The following EPHA6 variants were observed in gnomAD, a reference collection of about 807,000 sequenced individuals.
EPHA6 encodes the protein EPH receptor A6.
In EPHA6, 50 loss-of-function variants were observed where a neutral mutation model predicts 112.0. That is an observed-to-expected ratio of 0.45 (90% confidence interval 0.36 to 0.56). The LOEUF is 0.56. Ranked by LOEUF, EPHA6 falls within the 20% of genes least tolerant of loss-of-function variation. The pLI is 0.00. For missense variants in EPHA6, 1,280 were observed against 1,417.4 expected (o/e 0.90, Z 1.56); for synonymous variants, 529 against 490.7 (o/e 1.08, Z -1.03).
intron 6 of EPHA6, among the ~76,000 whole-genome samples, chr3:97,419,176 A>G (rs1345747098): frequency 1.3e-5 from 2 of 151,958 alleles, no homozygotes; most frequent in African/African-American, 2.4e-5. Flanking sequence ...GGTGGCATGT[A>G]CCTGTAATCC....
chr3:97,080,869 C>T (rs372354172), intron 3 of EPHA6, among the ~76,000 whole-genome samples: 19 of 151,782 alleles, frequency 1.3e-4, no homozygotes, highest in African/African-American at 3.9e-4. Context: ...TTGATTTGAG[C>T]ATTTGAGACA....
intron 3 of EPHA6, among the ~76,000 whole-genome samples, chr3:97,218,262 C>A (rs1416915926): frequency 6.6e-6 from 1 of 151,358 alleles, no homozygotes; most frequent in Non-Finnish European, 1.5e-5. Context: ...AAGAGTGAGA[C>A]CCTATCTTAA....
chr3:97,098,565 C>T (rs905972515), intron 3 of EPHA6, among the ~76,000 whole-genome samples: 1 of 151,722 alleles, frequency 6.6e-6, no homozygotes. Flanking sequence ...TGTTATGTGA[C>T]TAAGATTTAT....
intron 3 of EPHA6, among the ~76,000 whole-genome samples, chr3:97,112,022 A>G (rs941629986): frequency 6.6e-5 from 10 of 152,112 alleles, no homozygotes; most frequent in African/African-American, 9.6e-5. Context: ...CCCATCTCCA[A>G]GATAGCATGA....
chr3:96,846,110 A>T (rs1374028501), intron 1 of EPHA6, among the ~76,000 whole-genome samples: 1 of 152,086 alleles, frequency 6.6e-6, no homozygotes, highest in Non-Finnish European at 1.5e-5. Context: ...AAACGAGGGA[A>T]TAGAAAATAT....
chr3:97,304,883 A>G (rs1408625907), intron 5 of EPHA6, among the ~76,000 whole-genome samples: 3 of 152,136 alleles, frequency 2.0e-5, no homozygotes, highest in Non-Finnish European at 4.4e-5. Flanking sequence ...GCAAAAATTG[A>G]CAAATGGGGT....
At chr3:97,669,395 T>C (rs1439745286) in intron 14 of EPHA6, among the ~76,000 whole-genome samples, 1 of 152,034 alleles carries the variant, frequency 6.6e-6, no homozygotes, top group Non-Finnish European at 1.5e-5. Context: ...AGCTTTTTTG[T>C]CATGATCTAG....
chr3:96,819,033 A>C (rs896244411), intron 1 of EPHA6, among the ~76,000 whole-genome samples: 3 of 152,024 alleles, frequency 2.0e-5, no homozygotes, highest in African/African-American at 7.2e-5. Flanking sequence ...AGCAGTGATC[A>C]TCTAATTGTT....
chr3:97,040,275 A>C (rs1049063298), intron 3 of EPHA6, among the ~76,000 whole-genome samples: 4 of 151,896 alleles, frequency 2.6e-5, no homozygotes, highest in Non-Finnish European at 4.4e-5. Context: ...TTAAGTCTCA[A>C]GTATGGAGAG....
Position 97,061,805 on chromosome 3 carries a change from C to T in EPHA6, c.1114+73812C>T, listed in dbSNP as rs924696573. Among the ~76,000 whole-genome samples, 3 of 152,118 alleles carry T rather than the reference C, an allele frequency of 2.0e-5. No individual in the cohort carries two copies. The South Asian group carries it at 6.2e-4, about 31-fold the overall frequency. On this transcript the variant is annotated intron_variant, in intron 3 of 17. Transcript: ENST00000389672. ...CATTTAACAGCTGCTGAAACGCATA[C>T]TATAGTATGTGCTATTATACTATAG...
chr3:96,930,645 C>T (rs570101013), intron 2 of EPHA6, among the ~76,000 whole-genome samples: 5 of 152,156 alleles, frequency 3.3e-5, no homozygotes, highest in East Asian at 1.9e-4. Flanking sequence ...GCCGGAGACC[C>T]GAACTGGGAG....
At chr3:97,210,808 G>A (rs1438924559) in intron 3 of EPHA6, among the ~76,000 whole-genome samples, 1 of 152,284 alleles carries the variant, frequency 6.6e-6, no homozygotes, top group Non-Finnish European at 1.5e-5. Flanking sequence ...GATTGGCAAG[G>A]GCAGCTCATC....
chr3:96,874,944 A>C (rs1424462651), intron 2 of EPHA6, among the ~76,000 whole-genome samples: 2 of 152,094 alleles, frequency 1.3e-5, no homozygotes, highest in African/African-American at 2.4e-5. Flanking sequence ...AAGGGAGGCC[A>C]TTCAGTAGTA....
chr3:97,060,116 G>A (rs774148009), intron 3 of EPHA6, among the ~76,000 whole-genome samples: 8 of 152,142 alleles, frequency 5.3e-5, no homozygotes, highest in Non-Finnish European at 7.4e-5. Flanking sequence ...GCAAGACTCC[G>A]TCTCAAACAA....
chr3:97,661,012 C>T (rs990373359), intron 14 of EPHA6, among the ~76,000 whole-genome samples: 2 of 152,170 alleles, frequency 1.3e-5, no homozygotes, highest in African/African-American at 4.8e-5. Context: ...ACTTCAGTTA[C>T]AGTATTTTCC....
At chr3:97,381,600 C>T (rs533031410) in intron 5 of EPHA6, among the ~76,000 whole-genome samples, 12 of 152,204 alleles carry the variant, frequency 7.9e-5, no homozygotes, top group Middle Eastern at 3.4e-3. Context: ...CTCTTGATTG[C>T]TCTGTCTTCT....
intron 3 of EPHA6, among the ~76,000 whole-genome samples, chr3:97,059,500 T>G (rs2045952566): frequency 1.3e-5 from 2 of 152,026 alleles, no homozygotes; most frequent in Non-Finnish European, 2.9e-5. Flanking sequence ...TTATTTCAGA[T>G]ATATTATCAT....
intron 3 of EPHA6, among the ~76,000 whole-genome samples, chr3:97,066,766 T>C (rs1030674747): frequency 1.3e-5 from 2 of 152,158 alleles, no homozygotes; most frequent in African/African-American, 4.8e-5. Flanking sequence ...TTTTTTTCAT[T>C]GTTGTTGTTT....
intron 3 of EPHA6, among the ~76,000 whole-genome samples, chr3:97,072,303 A>T (rs985442386): frequency 6.6e-6 from 1 of 152,130 alleles, no homozygotes; most frequent in Non-Finnish European, 1.5e-5. Flanking sequence ...TAATGAGGTT[A>T]AGATGAGGTT....
Sources: gnomAD v4.1 joint callset for allele counts (sites outside exome capture counted in the v4.1 genomes callset) on GRCh38, gnomAD v4.1.1 for gene constraint, MANE v1.5 for transcripts, NCBI Gene and HGNC (gene_info 2026-07-23, HGNC 2026-07-21) for gene names.